The following PRDM11 variants were observed in gnomAD, a reference collection of about 807,000 sequenced individuals.
PRDM11 encodes the protein PR/SET domain 11, also known as PR domain-containing protein 11.
PRDM11 carries 20 observed loss-of-function variants against 97.8 expected under a neutral mutation model. The observed-to-expected ratio is 0.20, with a 90% CI of 0.14 to 0.30. PRDM11 has a LOEUF of 0.30. PRDM11 is among the 10% of genes least tolerant of loss of function. PRDM11 has a pLI of 1.00. For synonymous variants in PRDM11, 599 were observed against 637.7 expected, an observed-to-expected ratio of 0.94 and a Z score of 0.91; for missense variants, 1,139 against 1,555.2, an observed-to-expected ratio of 0.73 and a Z score of 4.50.
At chr11:45,145,795 C>T (rs372423842), upstream of PRDM11, among the ~76,000 whole-genome samples, 1 of 152,284 alleles carries the variant, frequency 6.6e-6, no homozygotes, top group South Asian at 2.1e-4. Context: ...CCAGCCCCAT[C>T]GCAACCTGTC....
chr11:45,117,517 C>T (rs1048011031), intron 1 of PRDM11, among the ~76,000 whole-genome samples: 5 of 152,152 alleles, frequency 3.3e-5, no homozygotes, highest in South Asian at 2.1e-4. Flanking sequence ...GAAGCTGAGG[C>T]TGCAGGACTG....
intron 1 of PRDM11, among the ~76,000 whole-genome samples, chr11:45,177,838 T>G (rs1301450510): frequency 6.6e-6 from 1 of 152,160 alleles, no homozygotes; most frequent in Non-Finnish European, 1.5e-5. Context: ...TACAACAGAT[T>G]CCCGGCATAA....
At chr11:45,146,262 C>T (rs929106778), upstream of PRDM11, among the ~76,000 whole-genome samples, 2 of 152,138 alleles carry the variant, frequency 1.3e-5, no homozygotes, top group African/African-American at 2.4e-5. Flanking sequence ...CGCGTCGACT[C>T]CCCCCGACTA....
chr11:45,097,738 G>A (rs1323540556), intron 1 of PRDM11, among the ~76,000 whole-genome samples: 1 of 152,226 alleles, frequency 6.6e-6, no homozygotes, highest in Non-Finnish European at 1.5e-5. Flanking sequence ...GCAGGCTACG[G>A]AAAGCATGGA....
intron 1 of PRDM11, among the ~76,000 whole-genome samples, chr11:45,167,482 A>G (rs1438366462): frequency 2.0e-5 from 3 of 152,162 alleles, no homozygotes; most frequent in Non-Finnish European, 4.4e-5. Context: ...CCAGATGGCA[A>G]CTATTCACAG....
intron 5 of PRDM11, among the ~76,000 whole-genome samples, chr11:45,206,694 T>C (rs944519912): frequency 5.9e-5 from 9 of 152,232 alleles, no homozygotes; most frequent in African/African-American, 2.2e-4. Flanking sequence ...TGTGACTTAA[T>C]TGGGCTGGGG....
intron 6 of PRDM11, among the ~76,000 whole-genome samples, chr11:45,221,898 A>G (rs1183308943): frequency 6.6e-6 from 1 of 152,210 alleles, no homozygotes; most frequent in East Asian, 1.9e-4. Flanking sequence ...GTGGTGTCCC[A>G]GATGGGTGTG....
chr11:45,164,374 C>T lies in PRDM11; in HGVS notation c.-6-17387C>T, dbSNP rs997546959. Among the ~76,000 whole-genome samples the T allele has an allele frequency of 3.9e-5, 6 of 152,374 alleles. No homozygotes were observed. The South Asian group carries it at 1.2e-3, about 32-fold the overall frequency. ...GCCAGCCTGAGCTGTCAGTGCGGGC[C>T]TCCCCTCCCTCCTGGGGCTGTTGGC... is the stretch of plus-strand genomic sequence containing the variant. On this transcript the variant is annotated intron_variant, in intron 1 of 7. Transcript: ENST00000683152.
At chr11:45,154,662 A>G (rs1851745776) in intron 1 of PRDM11, among the ~76,000 whole-genome samples, 1 of 152,038 alleles carries the variant, frequency 6.6e-6, no homozygotes, top group Non-Finnish European at 1.5e-5. Context: ...TTTCCCTTCC[A>G]GTCCTGTCTC....
At chr11:45,146,297 C>T (rs999405803), upstream of PRDM11, among the ~76,000 whole-genome samples, 2 of 152,160 alleles carry the variant, frequency 1.3e-5, no homozygotes, top group Admixed American at 6.5e-5. Context: ...GACAGCCACG[C>T]GACCGGGAGA....
intron 1 of PRDM11, among the ~76,000 whole-genome samples, chr11:45,180,677 G>T (rs546129478): frequency 6.6e-6 from 1 of 150,386 alleles, no homozygotes; most frequent in South Asian, 2.1e-4. Context: ...GCGGGCGGGG[G>T]GCGGGCGCTG....
At chr11:45,190,817 C>T (rs966125260) in intron 4 of PRDM11, among the ~76,000 whole-genome samples, 4 of 151,840 alleles carry the variant, frequency 2.6e-5, no homozygotes, top group African/African-American at 9.7e-5. Context: ...ATTTTTTAGT[C>T]ATTAAAAAAA....
At chr11:45,139,854 C>T (rs1376078840) in intron 1 of PRDM11, among the ~76,000 whole-genome samples, 1 of 152,044 alleles carries the variant, frequency 6.6e-6, no homozygotes, top group Non-Finnish European at 1.5e-5. Flanking sequence ...TCGTGTCTGA[C>T]GTGTCAATCA....
At chr11:45,220,899 T>C (rs2135844085) in intron 6 of PRDM11, among the ~76,000 whole-genome samples, 1 of 151,070 alleles carries the variant, frequency 6.6e-6, no homozygotes. Flanking sequence ...TTCAAGGGTG[T>C]TTTTTTTGTT....
At chr11:45,214,119 CAGTGGG>C (rs1853881519) in intron 5 of PRDM11, 2 of 205,026 alleles carry the variant, frequency 9.8e-6, no homozygotes, top group Non-Finnish European at 2.0e-5. Context: ...ATCCAGAGCC[CAGTGGG>C]GCTCATGTCC....
intron 1 of PRDM11, among the ~76,000 whole-genome samples, chr11:45,134,309 G>T (rs183066421): frequency 6.6e-6 from 1 of 152,040 alleles, no homozygotes; most frequent in African/African-American, 2.4e-5. Flanking sequence ...ACTCATAAGC[G>T]TACTCCCCGA....
In PRDM11 at chr11:45,206,801, T is replaced by G. The variant is rs77151460; in HGVS notation, c.554+2023T>G. Among the ~76,000 whole-genome samples the G allele has an allele frequency of 3.0e-3, 454 of 152,322 alleles. 12 individuals carry two copies. In the East Asian group the frequency reaches 0.078, roughly 26 times the overall value. Reference sequence around the variant, plus strand: ...TGTACAGATCTTCATGCCACAGTGGTCAAGCTGAGAGCAGGGCAAGGTCTT... The same window carrying G: ...TGTACAGATCTTCATGCCACAGTGGGCAAGCTGAGAGCAGGGCAAGGTCTT... On this transcript the variant is annotated intron_variant, in intron 5 of 7. Coordinates refer to ENST00000683152, the MANE Select transcript of PRDM11 (RefSeq NM_001384648.1).
At chr11:45,095,570 G>A (rs1007500551), upstream of PRDM11, among the ~76,000 whole-genome samples, 4 of 152,150 alleles carry the variant, frequency 2.6e-5, no homozygotes, top group African/African-American at 9.7e-5. Context: ...TTGGTGTCAG[G>A]CACATGGCAG....
At chr11:45,200,428 C>A (rs1853286785) in intron 4 of PRDM11, among the ~76,000 whole-genome samples, 1 of 152,232 alleles carries the variant, frequency 6.6e-6, no homozygotes, top group Non-Finnish European at 1.5e-5. Flanking sequence ...GTGTCTTCCA[C>A]TTCCATTATG....
Sources: gnomAD v4.1 joint callset for allele counts (sites outside exome capture counted in the v4.1 genomes callset) on GRCh38, gnomAD v4.1.1 for gene constraint, MANE v1.5 for transcripts, NCBI Gene and HGNC (gene_info 2026-07-23, HGNC 2026-07-21) for gene names.